SCFD2: variants seen among roughly 807,000 people sequenced by gnomAD.
SCFD2 encodes sec1 family domain-containing protein 2.
SCFD2 carries 54 observed loss-of-function variants against 58.9 expected under a neutral mutation model. The observed-to-expected ratio is 0.92, with a 90% CI of 0.74 to 1.15. SCFD2 has a LOEUF of 1.15. Ranked by LOEUF, SCFD2 falls within the 50% of genes most tolerant of loss-of-function variation. The pLI is 0.00. For missense variants in SCFD2, 805 were observed against 836.6 expected (o/e 0.96, Z 0.47); for synonymous variants, 321 against 335.9 (o/e 0.96, Z 0.49).
At chr4:53,051,132 C>A (rs1723181562) in intron 5 of SCFD2, among the ~76,000 whole-genome samples, 1 of 152,172 alleles carries the variant, frequency 6.6e-6, no homozygotes, top group African/African-American at 2.4e-5. Context: ...ATTCCTAGTG[C>A]CTGGCACAGT....
chr4:52,923,327 A>C (rs1577830521), intron 5 of SCFD2, among the ~76,000 whole-genome samples: 1 of 152,046 alleles, frequency 6.6e-6, no homozygotes, highest in South Asian at 2.1e-4. Context: ...AAATGCTAAA[A>C]TTAGCTGGGC....
chr4:53,046,508 C>A lies in SCFD2; in HGVS notation c.1561+98825G>T, dbSNP rs575003691. ...GGAATTACAGGTGTGAGCCACTGCG[C>A]CTGACCTATACCATTTTTTAAAGAG... is the stretch of plus-strand genomic sequence containing the variant. On this transcript the variant is annotated intron_variant, in intron 5 of 8. Transcript: ENST00000401642. 3.9e-5 allele frequency among the ~76,000 whole-genome samples: 6 copies of A among 152,138 alleles called. No homozygotes were observed. The South Asian group carries it at 6.2e-4, about 16-fold the overall frequency.
intron 5 of SCFD2, among the ~76,000 whole-genome samples, chr4:53,020,621 T>C (rs576068821): frequency 2.0e-5 from 3 of 152,270 alleles, no homozygotes; most frequent in African/African-American, 4.8e-5. Flanking sequence ...TCTCAGAGAC[T>C]AGATAGCTGT....
intron 5 of SCFD2, among the ~76,000 whole-genome samples, chr4:53,099,445 A>C (rs1358223687): frequency 2.6e-5 from 4 of 152,184 alleles, no homozygotes; most frequent in Non-Finnish European, 5.9e-5. Context: ...GTTGCTATGA[A>C]GGAATATCTA....
intron 4 of SCFD2, among the ~76,000 whole-genome samples, chr4:53,252,843 C>T (rs933848277): frequency 6.6e-6 from 1 of 152,114 alleles, no homozygotes; most frequent in African/African-American, 2.4e-5. Context: ...GACTTCATGT[C>T]TAAAACACCA....
rs1274559995 is a variant in SCFD2 at position 53,237,774 on chromosome 4, AC to A, written c.1311+36051del. On this transcript the variant is annotated intron_variant, in intron 4 of 8. Coordinates refer to ENST00000401642, the MANE Select transcript of SCFD2 (RefSeq NM_152540.4). Reference sequence around the variant, plus strand: ...GGGCGGCTGGCCGGGCGGGGGGCTGACCCCCCCACCTCCATCCCGGACGGGG... The same window carrying A: ...GGGCGGCTGGCCGGGCGGGGGGCTGACCCCCCACCTCCATCCCGGACGGGG... Among the ~76,000 whole-genome samples the A allele has an allele frequency of 1.0e-3, 81 of 80,404 alleles. 1 individual carries two copies. The highest frequency in any genetic ancestry group is 3.7e-3 in the African/African-American group (71 of 19,436). 52.7% of individuals were successfully genotyped at this position (80,404 alleles called of 152,430 possible). A position where few individuals can be genotyped will look rare whatever the true frequency, so the allele number is the denominator to read the frequency against.
At chr4:53,103,675 G>C (rs1255341132) in intron 5 of SCFD2, among the ~76,000 whole-genome samples, 4 of 145,502 alleles carry the variant, frequency 2.7e-5, no homozygotes, top group African/African-American at 1.0e-4. Flanking sequence ...TCCAGTGAAA[G>C]GAAGCAGGGT....
At chr4:52,974,084 G>A (rs112194799) in intron 5 of SCFD2, among the ~76,000 whole-genome samples, 2 of 152,170 alleles carry the variant, frequency 1.3e-5, no homozygotes, top group South Asian at 2.1e-4. Context: ...GCAAAAACTG[G>A]AAGCATTCCC....
chr4:52,969,627 C>T (rs1721046209), intron 5 of SCFD2, among the ~76,000 whole-genome samples: 1 of 152,134 alleles, frequency 6.6e-6, no homozygotes. Context: ...TTGTAATTTG[C>T]TGTTTCTCCT....
At chr4:52,957,512 C>G (rs1304334323) in intron 5 of SCFD2, 4 of 152,202 alleles carry the variant, frequency 2.6e-5, no homozygotes, top group Admixed American at 1.3e-4. Context: ...TTTCACAAAT[C>G]CCGGGTGACC....
intron 8 of SCFD2, among the ~76,000 whole-genome samples, chr4:52,877,457 G>GCAGA (rs1718500473): frequency 6.6e-6 from 1 of 152,136 alleles, no homozygotes; most frequent in African/African-American, 2.4e-5. Flanking sequence ...TCCAGTCTGC[G>GCAGA]CTGGACCCTG....
chr4:53,253,494 G>A (rs1408173815), intron 4 of SCFD2, among the ~76,000 whole-genome samples: 1 of 152,044 alleles, frequency 6.6e-6, no homozygotes, highest in African/African-American at 2.4e-5. Context: ...CATCCCAAAT[G>A]TCCAACAATG....
chr4:53,337,309 G>A (rs147932180), intron 2 of SCFD2, among the ~76,000 whole-genome samples: 161 of 152,182 alleles, frequency 1.1e-3, no homozygotes, highest in Non-Finnish European at 1.5e-3. Flanking sequence ...TTGGATTAGG[G>A]CCTACCATAA....
intron 4 of SCFD2, among the ~76,000 whole-genome samples, chr4:53,201,973 G>A (rs943293801): frequency 1.3e-5 from 2 of 152,078 alleles, no homozygotes; most frequent in Admixed American, 6.5e-5. Context: ...CATTCTGAAG[G>A]TTGCCTGTTC....
At chr4:53,276,604 C>G (rs1012556605) in intron 3 of SCFD2, among the ~76,000 whole-genome samples, 1 of 152,106 alleles carries the variant, frequency 6.6e-6, no homozygotes, top group Non-Finnish European at 1.5e-5. Flanking sequence ...TTCTGATCCT[C>G]TCCTTCCTCC....
chr4:53,015,378 C>G (rs1553914470), intron 5 of SCFD2, among the ~76,000 whole-genome samples: 1 of 152,074 alleles, frequency 6.6e-6, no homozygotes, highest in Non-Finnish European at 1.5e-5. Flanking sequence ...AAAGGTAAGA[C>G]AGCAGCTCTG....
At chr4:53,237,931 C>T (rs1349453764) in intron 4 of SCFD2, among the ~76,000 whole-genome samples, 68 of 107,410 alleles carry the variant, frequency 6.3e-4, no homozygotes, top group Admixed American at 1.2e-3. Flanking sequence ...CCCTTCCGGA[C>T]GGGGCGGCTG....
chr4:52,938,696 G>A (rs1191727979), intron 5 of SCFD2, among the ~76,000 whole-genome samples: 2 of 152,100 alleles, frequency 1.3e-5, no homozygotes, highest in Non-Finnish European at 2.9e-5. Context: ...TCTTAAGCAG[G>A]CTAAGCAGTT....
At chr4:53,008,470 T>C (rs1219005423) in intron 5 of SCFD2, among the ~76,000 whole-genome samples, 2 of 152,200 alleles carry the variant, frequency 1.3e-5, no homozygotes, top group African/African-American at 4.8e-5. Context: ...AAAACTATTC[T>C]AAGACTTAGT....
Sources: gnomAD v4.1 joint callset for allele counts (sites outside exome capture counted in the v4.1 genomes callset) on GRCh38, gnomAD v4.1.1 for gene constraint, MANE v1.5 for transcripts, NCBI Gene and HGNC (gene_info 2026-07-23, HGNC 2026-07-21) for gene names.